Variants in ARFGEF1 observed in about 807,000 individuals in gnomAD.
The protein encoded by ARFGEF1 is ARF guanine nucleotide exchange factor 1.
In ARFGEF1, 42 loss-of-function variants were observed where a neutral mutation model predicts 231.0. The ratio of observed to expected loss-of-function variants is 0.18; its 90% CI spans 0.14 to 0.24. ARFGEF1 has a LOEUF of 0.24. ARFGEF1 is among the 10% of genes least tolerant of loss of function. The pLI is 1.00. For synonymous variants in ARFGEF1, 710 were observed against 732.3 expected (o/e 0.97, Z 0.49); for missense variants, 1,345 against 2,192.0 (o/e 0.61, Z 7.72).
At chr8:67,338,248 G>A (rs1428731077) in intron 1 of ARFGEF1, among the ~76,000 whole-genome samples, 1 of 149,782 alleles carries the variant, frequency 6.7e-6, no homozygotes, top group Non-Finnish European at 1.5e-5. Flanking sequence ...CCCCAAACCT[G>A]TGTTTAGAGA....
chr8:67,271,681 A>G, intron 10 of ARFGEF1, 21 bp downstream of exon 10: 1 of 1,503,274 alleles, frequency 6.7e-7, no homozygotes, highest in African/African-American at 1.4e-5. Context: ...TAGTAACATT[A>G]TGCCTAAATG....
At chr8:67,192,724 C>T (rs569280291), downstream of ARFGEF1, among the ~76,000 whole-genome samples, 2 of 152,324 alleles carry the variant, frequency 1.3e-5, no homozygotes, top group South Asian at 4.1e-4. Context: ...CATTCTTTTG[C>T]ATGTGGCCAT....
intron 7 of ARFGEF1, among the ~76,000 whole-genome samples, chr8:67,287,289 A>C (rs1045766769): frequency 3.9e-5 from 6 of 152,074 alleles, no homozygotes; most frequent in Non-Finnish European, 7.3e-5. Flanking sequence ...CCCAGTAAAA[A>C]CCTTGGGACC....
At chr8:67,325,617 G>A (rs1424231221) in intron 1 of ARFGEF1, among the ~76,000 whole-genome samples, 1 of 152,132 alleles carries the variant, frequency 6.6e-6, no homozygotes, top group Non-Finnish European at 1.5e-5. Flanking sequence ...TTGAAGGCAA[G>A]AAAGCTCTCT....
In ARFGEF1 at chr8:67,216,623, G is replaced by C. The variant is rs369823240; in HGVS notation, c.4653C>G (p.Pro1551=). ...TWRPNSGETA[P]PPPSPVSEKP... The stretch of plus-strand genomic sequence containing the variant: ...TTTCACTTACAGGAGATGGAGGTGG[G>C]GGGGCAGTTTCTCCAGAATTGGGTC... Residue 1551 remains proline (P), a synonymous_variant, in exon 33 of 39, where the codon CCC becomes CCG. Transcript: ENST00000262215. The C allele has an allele frequency of 1.2e-6, 2 of 1,606,092 alleles. No homozygotes were observed. Among genetic ancestry groups the C allele is most frequent in the Non-Finnish European group, 8.5e-7 (1 of 1,177,758 alleles).
At chr8:67,337,829 C>T (rs999702046) in intron 1 of ARFGEF1, among the ~76,000 whole-genome samples, 1 of 152,140 alleles carries the variant, frequency 6.6e-6, no homozygotes, top group African/African-American at 2.4e-5. Context: ...GTTACTATCA[C>T]CCTCACCCCA....
chr8:67,222,269 A>ATGTAT (rs1483190587), intron 29 of ARFGEF1, among the ~76,000 whole-genome samples: 3,297 of 101,782 alleles, frequency 0.032, 71 homozygotes, highest in Non-Finnish European at 0.05. Flanking sequence ...GTATGTATGT[A>ATGTAT]TTTTTTTTTT....
intron 9 of ARFGEF1, among the ~76,000 whole-genome samples, chr8:67,274,886 C>T (rs1361551118): frequency 6.6e-6 from 1 of 151,936 alleles, no homozygotes. Flanking sequence ...TCAAAACTGT[C>T]GATTTTTTAA....
chr8:67,240,246 T>C lies in ARFGEF1; in HGVS notation c.2895A>G (p.Gln965=). 1 of 1,612,368 alleles carries C rather than the reference T, an allele frequency of 6.2e-7. No individual in the cohort carries two copies. Among genetic ancestry groups the C allele is most frequent in the Non-Finnish European group, 8.5e-7 (1 of 1,179,540 alleles). ...AGGCTACTTCAGTATCATCACAATC[T>C]TGTAGACCCACACTGAATGCAGCCA... The part of the protein sequence containing the change: ...PFLAAFSVGL[Q]DCDDTEVASL... Residue 965 remains glutamine, a synonymous_variant, in exon 20 of 39, where the codon CAA becomes CAG. Transcript: ENST00000262215.
chr8:67,289,719 C>T (rs1805927102), intron 6 of ARFGEF1, among the ~76,000 whole-genome samples: 1 of 152,008 alleles, frequency 6.6e-6, no homozygotes, highest in South Asian at 2.1e-4. Flanking sequence ...GATAAATATG[C>T]ATGTAAATGA....
chr8:67,177,182 T>C (rs73693130), intron 5 of ARFGEF1, among the ~76,000 whole-genome samples: 2,013 of 152,274 alleles, frequency 0.013, 38 homozygotes, highest in African/African-American at 0.045. Flanking sequence ...TTGTTTATTT[T>C]CAAAGGCAGT....
At chr8:67,175,319 A>T, downstream of ARFGEF1, 1 of 1,612,676 alleles carries the variant, frequency 6.2e-7, no homozygotes, top group Non-Finnish European at 8.5e-7. Flanking sequence ...AGTTGATCTG[A>T]AATTTATGTA....
chr8:67,238,701 C>A, intron 21 of ARFGEF1, 34 bp downstream of exon 21: 1 of 1,603,914 alleles, frequency 6.2e-7, no homozygotes, highest in Non-Finnish European at 8.5e-7. Context: ...ATTTTATAAA[C>A]CAAATTGCAA....
chr8:67,195,240 A>AAAAC (rs3217664), downstream of ARFGEF1: 14,779 of 711,982 alleles, frequency 0.021, 1,310 homozygotes, highest in East Asian at 0.25. Context: ...GAGTCTAACC[A>AAAAC]AAACAAACAA....
At chr8:67,200,177 A>C in intron 38 of ARFGEF1, 1 of 586,338 alleles carries the variant, frequency 1.7e-6, no homozygotes. Flanking sequence ...TGAATCCCCT[A>C]GAGAACTGCT....
At position 67,257,994 on chromosome 8, in the gene ARFGEF1, T is replaced by C; in HGVS notation, c.2441+91A>G. The stretch of plus-strand genomic sequence containing the variant: ...CAATCTAAATTCTCTAAACAGGGGA[T>C]TAGGTCCTATTATCTGTAAATCCCT... On this transcript the variant is annotated intron_variant, in intron 16 of 38. Coordinates refer to ENST00000262215, the MANE Select transcript of ARFGEF1 (RefSeq NM_006421.5). The C allele has an allele frequency of 4.0e-6, 5 of 1,249,224 alleles. No homozygotes were observed. The African/African-American group carries it at 7.5e-5, about 19-fold the overall frequency. The allele number at this position is 1,249,224 out of a possible 1,614,324, so 77.4% of individuals were successfully genotyped here.
intron 18 of ARFGEF1, among the ~76,000 whole-genome samples, chr8:67,252,981 A>G (rs1840344917): frequency 6.6e-6 from 1 of 151,306 alleles, no homozygotes; most frequent in South Asian, 2.1e-4. Flanking sequence ...GGGTCTAACT[A>G]CTCTTTATGA....
At chr8:67,339,910 C>T (rs1410359552) in intron 1 of ARFGEF1, among the ~76,000 whole-genome samples, 5 of 147,654 alleles carry the variant, frequency 3.4e-5, no homozygotes, top group Admixed American at 7.0e-5. Context: ...GTTTATTTTT[C>T]TTTCTGTGAA....
chr8:67,285,681 G>T (rs1805728732), intron 7 of ARFGEF1, among the ~76,000 whole-genome samples: 1 of 152,018 alleles, frequency 6.6e-6, no homozygotes, highest in Non-Finnish European at 1.5e-5. Context: ...CCACCAACGG[G>T]GGTAACCTGT....
Sources: gnomAD v4.1 joint callset for allele counts (sites outside exome capture counted in the v4.1 genomes callset) on GRCh38, gnomAD v4.1.1 for gene constraint, MANE v1.5 for transcripts, NCBI Gene and HGNC (gene_info 2026-07-23, HGNC 2026-07-21) for gene names.